FAAH2: variants seen among roughly 807,000 people sequenced by gnomAD.
The protein encoded by FAAH2 is fatty-acid amide hydrolase 2.
FAAH2 carries 60 observed loss-of-function variants against 36.9 expected under a neutral mutation model. The observed-to-expected ratio is 1.63, with a 90% confidence interval of 1.32 to 2.02. The LOEUF (loss-of-function observed/expected upper bound fraction) is 2.02. Among genes scored for constraint, FAAH2 ranks in the 30% most tolerant of loss-of-function variants. The pLI, the probability that FAAH2 is intolerant of heterozygous loss-of-function variation, is 0.00. For missense variants in FAAH2, 689 were observed against 397.5 expected (o/e 1.73, Z -6.23); for synonymous variants, 214 against 143.8 (o/e 1.49, Z -3.49).
At chrX:57,305,498 T>C (rs2052495763) in intron 2 of FAAH2, among the ~76,000 whole-genome samples, 1 of 111,648 alleles carries the variant, frequency 9.0e-6, no homozygotes, top group African/African-American at 3.3e-5. Flanking sequence ...CCAATCACCA[T>C]CATCTTTGCC....
the FAAH2 span, among the ~76,000 whole-genome samples, chrX:57,232,093 T>A: frequency 8.9e-6 from 1 of 111,785 alleles, no homozygotes; most frequent in Non-Finnish European, 1.9e-5. Flanking sequence ...CAGTTTGGAT[T>A]GAACTGATAT....
At chrX:57,160,219 G>A in the FAAH2 span, among the ~76,000 whole-genome samples, 2 of 111,811 alleles carry the variant, frequency 1.8e-5, no homozygotes, top group Non-Finnish European at 3.8e-5. Flanking sequence ...GCCTTTTGAT[G>A]TGCTGTTGGC....
rs752899633 is a variant in FAAH2 at position 57,393,484 on chromosome X, G to A, written c.996+12455G>A. 3 of 946,180 alleles carry A rather than the reference G, an allele frequency of 3.2e-6. No individual in the cohort carries two copies. The African/African-American group carries it at 5.8e-5, about 18-fold the overall frequency. The allele number at this position is 946,180 out of a possible 1,213,427, so 78.0% of individuals were successfully genotyped here. A position where few individuals can be genotyped will look rare whatever the true frequency, so the allele number is the denominator to read the frequency against. ...CTTCTGGGCCAACAAGCTAGAGTGT[G>A]ATCCGGTCTGCAATGATAGAGGAAT... On this transcript the variant is annotated intron_variant, in intron 7 of 10. Transcript: ENST00000374900.
chrX:57,267,616 G>A, the FAAH2 span, among the ~76,000 whole-genome samples: 7 of 111,963 alleles, frequency 6.3e-5, no homozygotes, highest in Non-Finnish European at 1.1e-4. Context: ...GTAGCACTTT[G>A]CTGCAGCTGA....
chrX:57,407,272 G>A (rs1453336934), intron 7 of FAAH2, among the ~76,000 whole-genome samples: 3 of 111,918 alleles, frequency 2.7e-5, no homozygotes, highest in East Asian at 5.7e-4. Context: ...CTTATACTGG[G>A]TGCAAAACCT....
chrX:57,470,963 T>C (rs1465485838), intron 10 of FAAH2, among the ~76,000 whole-genome samples: 1 of 111,709 alleles, frequency 9.0e-6, no homozygotes, highest in Non-Finnish European at 1.9e-5. Flanking sequence ...ATAAACGTAA[T>C]CCAGCATCTA....
At chrX:57,462,504 A>G (rs2056978282) in intron 10 of FAAH2, among the ~76,000 whole-genome samples, 1 of 112,202 alleles carries the variant, frequency 8.9e-6, no homozygotes, top group Non-Finnish European at 1.9e-5. Context: ...CTTGTTCAAC[A>G]TACGCAAATC....
chrX:57,221,637 C>T, the FAAH2 span, among the ~76,000 whole-genome samples: 2 of 111,767 alleles, frequency 1.8e-5, no homozygotes, highest in Non-Finnish European at 3.8e-5. Flanking sequence ...AAGCTGTACT[C>T]CCAGTATGTC....
intron 7 of FAAH2, chrX:57,394,646 G>C: frequency 3.1e-6 from 3 of 983,291 alleles, no homozygotes; most frequent in South Asian, 3.8e-5. Flanking sequence ...GGGCCTCGTC[G>C]TATGCCACAT....
At chrX:57,195,669 T>A in the FAAH2 span, among the ~76,000 whole-genome samples, 18 of 112,390 alleles carry the variant, frequency 1.6e-4, no homozygotes, top group African/African-American at 4.8e-4. Flanking sequence ...GATCATAAAG[T>A]CTTTGCCTAA....
intron 8 of FAAH2, among the ~76,000 whole-genome samples, chrX:57,440,328 G>T (rs2056521989): frequency 1.8e-5 from 2 of 111,293 alleles, no homozygotes; most frequent in Non-Finnish European, 3.8e-5. Context: ...TCCCCTGTAG[G>T]CTGGATTCCT....
At chrX:57,340,712 G>C (rs1019153964) in intron 4 of FAAH2, among the ~76,000 whole-genome samples, 3 of 111,710 alleles carry the variant, frequency 2.7e-5, no homozygotes, top group Non-Finnish European at 3.8e-5. Context: ...AACACAGCAT[G>C]TTCTCACTTA....
chrX:57,313,179 G>A (rs745308848), intron 3 of FAAH2, among the ~76,000 whole-genome samples: 11 of 110,857 alleles, frequency 9.9e-5, no homozygotes, highest in Non-Finnish European at 1.7e-4. Flanking sequence ...AATCACCTTA[G>A]TCAGACAAAA....
upstream of FAAH2, among the ~76,000 whole-genome samples, chrX:57,285,100 C>CAAA (rs2051791848): frequency 8.9e-6 from 1 of 112,309 alleles, no homozygotes; most frequent in Admixed American, 9.4e-5. Flanking sequence ...TGTAATGGAG[C>CAAA]CTAGATTATG....
At chrX:57,165,623 T>A in the FAAH2 span, among the ~76,000 whole-genome samples, 1 of 111,084 alleles carries the variant, frequency 9.0e-6, no homozygotes, top group African/African-American at 3.3e-5. Flanking sequence ...CGCACCAGCA[T>A]GGCACATGTA....
intron 5 of FAAH2, among the ~76,000 whole-genome samples, chrX:57,356,748 C>A (rs184071500): frequency 3.6e-5 from 4 of 110,069 alleles, no homozygotes; most frequent in East Asian, 2.8e-4. Flanking sequence ...TTACTAAATT[C>A]TATTTTATTT....
chrX:57,263,727 T>G, the FAAH2 span, among the ~76,000 whole-genome samples: 1 of 111,761 alleles, frequency 8.9e-6, no homozygotes, highest in Non-Finnish European at 1.9e-5. Flanking sequence ...ATCTGTCTAT[T>G]ATACCTAAAT....
the FAAH2 span, among the ~76,000 whole-genome samples, chrX:57,170,147 T>C: frequency 1.7e-4 from 19 of 112,098 alleles, no homozygotes; most frequent in East Asian, 5.4e-3. Flanking sequence ...ACTTTTGTTT[T>C]TGTTGTAGAA....
At chrX:57,379,851 T>G (rs1464417388) in intron 6 of FAAH2, among the ~76,000 whole-genome samples, 1 of 107,688 alleles carries the variant, frequency 9.3e-6, no homozygotes, top group Non-Finnish European at 1.9e-5. Context: ...AAATAATGAC[T>G]GCTTCTCAAT....
Sources: gnomAD v4.1 joint callset for allele counts (sites outside exome capture counted in the v4.1 genomes callset) on GRCh38, gnomAD v4.1.1 for gene constraint, MANE v1.5 for transcripts, NCBI Gene and HGNC (gene_info 2026-07-23, HGNC 2026-07-21) for gene names.